The following CADM2 variants were observed in gnomAD, a reference collection of about 807,000 sequenced individuals.
CADM2 encodes immunoglobulin superfamily member 4D.
In CADM2, 12 loss-of-function variants were observed where a neutral mutation model predicts 49.8. The ratio of observed to expected loss-of-function variants is 0.24; its 90% confidence interval spans 0.15 to 0.39. CADM2 has a LOEUF of 0.39. Ranked by LOEUF, CADM2 falls within the 10% of genes least tolerant of loss-of-function variation. The pLI, the probability that CADM2 is intolerant of heterozygous loss-of-function variation, is 1.00. For missense variants in CADM2, 378 were observed against 492.3 expected, an observed-to-expected ratio of 0.77 and a Z score of 2.20; for synonymous variants, 214 against 175.4, an observed-to-expected ratio of 1.22 and a Z score of -1.74.
At chr3:86,042,008 T>G (rs1193330381) in intron 8 of CADM2, among the ~76,000 whole-genome samples, 1 of 152,048 alleles carries the variant, frequency 6.6e-6, no homozygotes, top group African/African-American at 2.4e-5. Context: ...AAGGCAGAAA[T>G]AAAGATGTTC....
intron 8 of CADM2, among the ~76,000 whole-genome samples, chr3:86,062,241 G>C (rs1049923652): frequency 2.0e-5 from 3 of 152,046 alleles, no homozygotes; most frequent in African/African-American, 7.2e-5. Context: ...TTGAGCAAGA[G>C]GTGGATTTTT....
intron 1 of CADM2, among the ~76,000 whole-genome samples, chr3:85,324,706 A>G (rs1164581395): frequency 6.6e-6 from 1 of 152,184 alleles, no homozygotes; most frequent in Non-Finnish European, 1.5e-5. Flanking sequence ...AGCTTTGTAA[A>G]CTCTGTGTGA....
chr3:85,199,013 C>G (rs947984609), intron 1 of CADM2, among the ~76,000 whole-genome samples: 8 of 151,880 alleles, frequency 5.3e-5, no homozygotes, highest in African/African-American at 1.9e-4. Context: ...TCCTCCGCTG[C>G]AGGAAGGCAG....
intron 2 of CADM2, among the ~76,000 whole-genome samples, chr3:85,759,615 T>C (rs963472475): frequency 6.6e-6 from 1 of 152,126 alleles, no homozygotes; most frequent in African/African-American, 2.4e-5. Flanking sequence ...TGTTTATTCA[T>C]AAGCTGCCAC....
chr3:85,345,481 A>G (rs1366370163), intron 1 of CADM2, among the ~76,000 whole-genome samples: 1 of 152,258 alleles, frequency 6.6e-6, no homozygotes, highest in Admixed American at 6.5e-5. Context: ...GATAAGATGC[A>G]ATGAGAATAT....
chr3:85,387,529 C>G (rs1203140877), intron 1 of CADM2, among the ~76,000 whole-genome samples: 1 of 151,980 alleles, frequency 6.6e-6, no homozygotes, highest in Non-Finnish European at 1.5e-5. Flanking sequence ...CTGATACTGA[C>G]AAATAAACAA....
chr3:85,072,891 GT>G (rs1418762826), intron 1 of CADM2, among the ~76,000 whole-genome samples: 2 of 151,876 alleles, frequency 1.3e-5, no homozygotes, highest in Non-Finnish European at 1.5e-5. Flanking sequence ...TTTTCATGTT[GT>G]TTATTGAATC....
At chr3:85,873,019 T>G (rs955505926) in intron 3 of CADM2, among the ~76,000 whole-genome samples, 1 of 152,148 alleles carries the variant, frequency 6.6e-6, no homozygotes, top group Admixed American at 6.5e-5. Flanking sequence ...GGCTGAAGTG[T>G]AAGAACATGG....
intron 1 of CADM2, among the ~76,000 whole-genome samples, chr3:85,193,473 G>A (rs560806233): frequency 1.3e-5 from 2 of 152,110 alleles, no homozygotes; most frequent in South Asian, 2.1e-4. Context: ...CTCTCTTTAT[G>A]TGATAGATTT....
At chr3:85,604,991 A>G (rs910488752) in intron 1 of CADM2, among the ~76,000 whole-genome samples, 14 of 152,052 alleles carry the variant, frequency 9.2e-5, no homozygotes, top group Admixed American at 1.3e-4. Flanking sequence ...TGAACTAGTT[A>G]TTGACAAATA....
At chr3:85,136,582 A>C (rs979544980) in intron 1 of CADM2, among the ~76,000 whole-genome samples, 1 of 152,038 alleles carries the variant, frequency 6.6e-6, no homozygotes, top group Non-Finnish European at 1.5e-5. Context: ...ATTCACATAC[A>C]TTATGATTTT....
chr3:85,543,425 T>TGTGGGG lies in CADM2; in HGVS notation c.62-183094_62-183093insGGGGTG, dbSNP rs1280522289. On this transcript the variant is annotated intron_variant, in intron 1 of 9. Transcript: ENST00000383699. Reference sequence around the variant, plus strand: ...ACCGCCACCATGCCAAGCTAATGTGTGTGTGTGTGTGTGTGTGTGTGTGTG... The same window carrying TGTGGGG: ...ACCGCCACCATGCCAAGCTAATGTGTGTGGGGGTGTGTGTGTGTGTGTGTGTGTGTG... Among the ~76,000 whole-genome samples the TGTGGGG allele has an allele frequency of 1.2e-4, 15 of 122,318 alleles. 1 individual carries two copies. The South Asian group carries it at 3.2e-3, about 26-fold the overall frequency. 80.2% of individuals were successfully genotyped at this position (122,318 alleles called of 152,430 possible). A position where few individuals can be genotyped will look rare whatever the true frequency, so the allele number is the denominator to read the frequency against.
intron 1 of CADM2, among the ~76,000 whole-genome samples, chr3:85,579,872 T>C (rs1278493757): frequency 6.6e-6 from 1 of 152,184 alleles, no homozygotes; most frequent in Non-Finnish European, 1.5e-5. Context: ...TGTGTGTATG[T>C]GCATCTGTGT....
chr3:85,752,741 T>TC (rs1352945664), intron 2 of CADM2, among the ~76,000 whole-genome samples: 2 of 151,800 alleles, frequency 1.3e-5, no homozygotes, highest in Non-Finnish European at 2.9e-5. Context: ...AAGAAAAAAA[T>TC]CATGGATTTT....
At chr3:85,774,089 C>T (rs561202786) in intron 2 of CADM2, among the ~76,000 whole-genome samples, 2 of 151,770 alleles carry the variant, frequency 1.3e-5, no homozygotes, top group East Asian at 3.9e-4. Context: ...TTTTTAAAGC[C>T]TCATACCTCT....
intron 8 of CADM2, among the ~76,000 whole-genome samples, chr3:86,062,808 T>C (rs1356252766): frequency 2.9e-5 from 4 of 139,396 alleles, no homozygotes; most frequent in Admixed American, 7.1e-5. Flanking sequence ...GTATTGTTAT[T>C]TTTTTTTTTT....
intron 2 of CADM2, among the ~76,000 whole-genome samples, chr3:85,797,044 A>C (rs2071668660): frequency 1.3e-5 from 2 of 151,614 alleles, no homozygotes. Context: ...CAGTGAGCCA[A>C]GATTACGCCA....
chr3:85,796,053 C>T (rs777164358), intron 2 of CADM2, among the ~76,000 whole-genome samples: 11 of 152,140 alleles, frequency 7.2e-5, no homozygotes, highest in Non-Finnish European at 1.6e-4. Flanking sequence ...ATGAGATTTT[C>T]GCAAGCATCA....
At chr3:85,603,768 T>C (rs760438803) in intron 1 of CADM2, among the ~76,000 whole-genome samples, 28 of 151,948 alleles carry the variant, frequency 1.8e-4, no homozygotes, top group Non-Finnish European at 3.4e-4. Context: ...CTGCATATTT[T>C]AAAATTCCAA....
Sources: allele counts gnomAD v4.1 joint callset (sites outside exome capture counted in the v4.1 genomes callset), GRCh38; gene constraint gnomAD v4.1.1; transcripts MANE v1.5; gene names NCBI Gene and HGNC (gene_info 2026-07-23, HGNC 2026-07-21).